LRP1B: variants seen among roughly 807,000 people sequenced by gnomAD.
LRP1B encodes the protein low-density lipoprotein receptor-related protein 1B.
In LRP1B, 217 loss-of-function variants were observed where a neutral mutation model predicts 556.6. The ratio of observed to expected loss-of-function variants is 0.39; its 90% CI spans 0.35 to 0.44. The LOEUF (loss-of-function observed/expected upper bound fraction) is 0.44. LRP1B is among the 20% of genes least tolerant of loss of function. LRP1B has a pLI of 1.00. For synonymous variants in LRP1B, 2,047 were observed against 1,865.8 expected (o/e 1.10, Z -2.50); for missense variants, 5,053 against 5,620.8 (o/e 0.90, Z 3.23).
chr2:140,882,090 T>A (rs1387332042), intron 25 of LRP1B, among the ~76,000 whole-genome samples: 2 of 152,192 alleles, frequency 1.3e-5, no homozygotes, highest in African/African-American at 4.8e-5. Context: ...TTTCTTCTCA[T>A]GTTGGTATAC....
intron 83 of LRP1B, among the ~76,000 whole-genome samples, chr2:140,314,299 CATTTT>C (rs1684426204): frequency 6.6e-6 from 1 of 151,956 alleles, no homozygotes; most frequent in Non-Finnish European, 1.5e-5. Context: ...TCATGGGACA[CATTTT>C]AAATTTAATA....
chr2:141,106,621 GTAA>G (rs1054300432), intron 7 of LRP1B, among the ~76,000 whole-genome samples: 4 of 152,038 alleles, frequency 2.6e-5, no homozygotes. Flanking sequence ...GTCTACAAAT[GTAA>G]TAGTTTATCA....
chr2:141,487,146 A>G (rs1254036975), intron 2 of LRP1B, among the ~76,000 whole-genome samples: 1 of 152,144 alleles, frequency 6.6e-6, no homozygotes, highest in Non-Finnish European at 1.5e-5. Context: ...GAAACACATG[A>G]TTATCCTTTA....
chr2:141,545,838 T>C lies in LRP1B; in HGVS notation c.206-65305A>G, dbSNP rs568716269. ...TGAGAGCAGCTTCCAAAAGCTAGAATAGGAAAGGAAACAGATTTCCCCCAC... is the reference window on the plus strand; with the variant it reads ...TGAGAGCAGCTTCCAAAAGCTAGAACAGGAAAGGAAACAGATTTCCCCCAC... On this transcript the variant is annotated intron_variant, in intron 2 of 90. Coordinates refer to ENST00000389484, the MANE Select transcript of LRP1B (RefSeq NM_018557.3). Among the ~76,000 whole-genome samples, 11 of 152,148 alleles carry C rather than the reference T, an allele frequency of 7.2e-5. No homozygotes were observed. The East Asian group carries it at 1.2e-3, about 16-fold the overall frequency.
chr2:141,969,910 G>T (rs1327894238), intron 1 of LRP1B, among the ~76,000 whole-genome samples: 1 of 151,306 alleles, frequency 6.6e-6, no homozygotes, highest in Non-Finnish European at 1.5e-5. Context: ...GAAATACAAG[G>T]GCTCTTTTTT....
At chr2:141,109,803 A>G (rs995740846) in intron 7 of LRP1B, among the ~76,000 whole-genome samples, 3 of 152,214 alleles carry the variant, frequency 2.0e-5, no homozygotes, top group Admixed American at 1.3e-4. Flanking sequence ...TAGAGGGAGC[A>G]CTCAGAATCA....
intron 14 of LRP1B, among the ~76,000 whole-genome samples, chr2:141,007,404 TA>T (rs1697607764): frequency 6.6e-6 from 1 of 151,820 alleles, no homozygotes; most frequent in Non-Finnish European, 1.5e-5. Context: ...TATAACAAAT[TA>T]AAAAATACAT....
intron 20 of LRP1B, among the ~76,000 whole-genome samples, chr2:140,949,938 CAAAAAAAA>C (rs67201185): frequency 1.4e-4 from 2 of 14,300 alleles, no homozygotes; most frequent in African/African-American, 6.0e-4. Context: ...GACTCCGTCT[CAAAAAAAA>C]AAAAAAAAAA....
At chr2:141,844,714 G>C (rs1262660503) in intron 1 of LRP1B, among the ~76,000 whole-genome samples, 1 of 151,944 alleles carries the variant, frequency 6.6e-6, no homozygotes, top group Non-Finnish European at 1.5e-5. Flanking sequence ...TATCAGTTCA[G>C]ATATCATAGG....
chr2:141,264,497 C>T (rs1684814488), intron 3 of LRP1B, among the ~76,000 whole-genome samples: 2 of 152,114 alleles, frequency 1.3e-5, no homozygotes, highest in South Asian at 2.1e-4. Context: ...CTCTTGTCAT[C>T]CAGGCTGGAG....
intron 3 of LRP1B, among the ~76,000 whole-genome samples, chr2:141,315,494 C>G (rs552468543): frequency 2.0e-5 from 3 of 151,624 alleles, no homozygotes; most frequent in African/African-American, 7.2e-5. Flanking sequence ...CTCCTGACCT[C>G]GTGATCCACC....
At chr2:140,385,246 A>G (rs1573873963) in intron 67 of LRP1B, among the ~76,000 whole-genome samples, 1 of 152,184 alleles carries the variant, frequency 6.6e-6, no homozygotes, top group Non-Finnish European at 1.5e-5. Context: ...CCCTCTCTCA[A>G]AAAATACATA....
chr2:140,442,718 G>A (rs1056632001), intron 65 of LRP1B, 95 bp from the exon 66 acceptor site: 355 of 1,236,980 alleles, frequency 2.9e-4, no homozygotes, highest in Admixed American at 1.0e-3. Flanking sequence ...ACAGTTTATC[G>A]AAAAATGTAT....
chr2:141,147,932 C>T (rs887995919), intron 7 of LRP1B, among the ~76,000 whole-genome samples: 9 of 152,134 alleles, frequency 5.9e-5, no homozygotes, highest in African/African-American at 2.2e-4. Context: ...GCATTCAATA[C>T]AGTAACATGC....
chr2:141,470,686 C>T (rs987340489), intron 3 of LRP1B, among the ~76,000 whole-genome samples: 13 of 152,142 alleles, frequency 8.5e-5, no homozygotes, highest in African/African-American at 3.1e-4. Context: ...GCTTTAATTC[C>T]TTGCTTTTTA....
rs571440777 is a variant in LRP1B at position 140,939,806 on chromosome 2, T to C, written c.3136+10429A>G. Among the ~76,000 whole-genome samples, 16 of 142,496 alleles carry C rather than the reference T, an allele frequency of 1.1e-4. No homozygotes were observed. The East Asian group carries it at 3.1e-3, about 28-fold the overall frequency. The allele number at this position is 142,496 out of a possible 152,430, so 93.5% of individuals were successfully genotyped here. ...ATATTTGAGTTACTTTTAGTTGCAA[T>C]TAGAAAATACAGGTAAAATTTTTTT... On this transcript the variant is annotated intron_variant, in intron 20 of 90. Transcript: ENST00000389484.
At chr2:141,122,361 G>T (rs1390449177) in intron 7 of LRP1B, among the ~76,000 whole-genome samples, 3 of 150,538 alleles carry the variant, frequency 2.0e-5, no homozygotes, top group African/African-American at 7.4e-5. Flanking sequence ...ATCTGACAAA[G>T]GGCTAATATC....
intron 49 of LRP1B, among the ~76,000 whole-genome samples, chr2:140,523,886 A>G (rs1690300428): frequency 6.6e-6 from 1 of 151,866 alleles, no homozygotes; most frequent in Non-Finnish European, 1.5e-5. Context: ...AAATCCTAAG[A>G]AATGCTTTTC....
At chr2:140,612,866 A>G (rs1417616055) in intron 41 of LRP1B, among the ~76,000 whole-genome samples, 3 of 152,086 alleles carry the variant, frequency 2.0e-5, no homozygotes, top group East Asian at 1.9e-4. Flanking sequence ...GAAGTGGAAG[A>G]TTACCGGAGG....
Sources: allele counts gnomAD v4.1 joint callset (sites outside exome capture counted in the v4.1 genomes callset), GRCh38; gene constraint gnomAD v4.1.1; transcripts MANE v1.5; gene names NCBI Gene and HGNC (gene_info 2026-07-23, HGNC 2026-07-21).